Variants in MVB12B observed in about 807,000 individuals in gnomAD.
The protein encoded by MVB12B is multivesicular body subunit 12B.
In MVB12B, 16 loss-of-function variants were observed where a neutral mutation model predicts 41.6. That is an observed-to-expected ratio of 0.38 (90% CI 0.26 to 0.58). The LOEUF is 0.58. Among genes scored for constraint, MVB12B ranks in the 20% least tolerant of loss-of-function variants. MVB12B has a pLI of 0.62. For missense variants in MVB12B, 274 were observed against 380.2 expected (o/e 0.72, Z 2.32); for synonymous variants, 133 against 139.7 (o/e 0.95, Z 0.34).
At chr9:126,368,725 A>G (rs1205964945) in intron 2 of MVB12B, among the ~76,000 whole-genome samples, 1 of 152,168 alleles carries the variant, frequency 6.6e-6, no homozygotes, top group Non-Finnish European at 1.5e-5. Context: ...TTTATTTTTA[A>G]TTAAATAAGG....
chr9:126,329,454 GAA>G (rs1277030934), intron 1 of MVB12B, among the ~76,000 whole-genome samples: 4 of 152,170 alleles, frequency 2.6e-5, no homozygotes, highest in Non-Finnish European at 5.9e-5. Flanking sequence ...TTAAGAAAAA[GAA>G]TACAAGAATA....
At chr9:126,372,175 T>A (rs1394909119) in intron 2 of MVB12B, among the ~76,000 whole-genome samples, 2 of 152,396 alleles carry the variant, frequency 1.3e-5, no homozygotes, top group African/African-American at 4.8e-5. Flanking sequence ...TTTAGCAAAC[T>A]GTTTTCAGGG....
rs888900691 is a variant in MVB12B at position 126,460,583 on chromosome 9, C to T, written c.758-20786C>T. Among the ~76,000 whole-genome samples the T allele has an allele frequency of 3.9e-5, 6 of 152,000 alleles. No homozygotes were observed. In the South Asian group the frequency reaches 6.2e-4, roughly 16 times the overall value. On this transcript the variant is annotated intron_variant, in intron 7 of 9. Transcript: ENST00000361171. ...GAGCCAGGAGCAGCCAAGCAGCCAA[C>T]GGCAGGTCAGAGGGGTGGGCATCGC...
intron 2 of MVB12B, among the ~76,000 whole-genome samples, chr9:126,346,264 A>G (rs1829584095): frequency 1.3e-5 from 2 of 152,164 alleles, no homozygotes; most frequent in Admixed American, 1.3e-4. Flanking sequence ...GCGCCAGGCT[A>G]TTGACAATGG....
intron 2 of MVB12B, among the ~76,000 whole-genome samples, chr9:126,366,952 C>A (rs1360947949): frequency 6.6e-6 from 1 of 152,158 alleles, no homozygotes; most frequent in Non-Finnish European, 1.5e-5. Context: ...GTTTCCTTAC[C>A]ACTCCCAATA....
intron 7 of MVB12B, among the ~76,000 whole-genome samples, chr9:126,451,994 G>GC (rs1422497616): frequency 6.6e-6 from 1 of 152,162 alleles, no homozygotes; most frequent in Non-Finnish European, 1.5e-5. Flanking sequence ...TCATTCCTTA[G>GC]CCCCGCTCAC....
intron 2 of MVB12B, among the ~76,000 whole-genome samples, chr9:126,343,236 C>G (rs996582059): frequency 6.6e-6 from 1 of 152,216 alleles, no homozygotes; most frequent in Admixed American, 6.5e-5. Flanking sequence ...CTGAAAGAGC[C>G]TCGCTTTTCT....
chr9:126,463,208 GT>G (rs1343344250), intron 7 of MVB12B, among the ~76,000 whole-genome samples: 1 of 152,120 alleles, frequency 6.6e-6, no homozygotes, highest in Non-Finnish European at 1.5e-5. Context: ...CTCTGCGTAG[GT>G]TGGTGTGTGT....
chr9:126,386,633 C>A lies in MVB12B; in HGVS notation c.384C>A (p.Ile128=). ...AGGACACACTGCCTGTGGGCTTCAT[C>A]CCAATTCAGGAGACGGTGGACACAC... ...DIKDTLPVGF[I]PIQETVDTQE... is the part of the protein sequence containing the mutation. The change falls in exon 4 of 10, where the codon ATC becomes ATA. Residue 128 remains isoleucine (I), a synonymous_variant. Transcript: ENST00000361171. This position sits in a 1 kb window ranked among gnomAD's most constrained non-coding sequence, Gnocchi z 4.3. 1.9e-6 allele frequency: 3 copies of A among 1,613,754 alleles called. No homozygotes were observed. The highest frequency in any genetic ancestry group is 2.5e-6 in the Non-Finnish European group (3 of 1,179,674).
intron 2 of MVB12B, among the ~76,000 whole-genome samples, chr9:126,366,821 G>A (rs978196712): frequency 9.2e-5 from 14 of 152,060 alleles, no homozygotes; most frequent in Non-Finnish European, 1.6e-4. Context: ...CTGACTCCAC[G>A]CAGCCAGCCT....
intron 7 of MVB12B, among the ~76,000 whole-genome samples, chr9:126,467,891 G>C (rs1162484294): frequency 6.6e-6 from 1 of 152,198 alleles, no homozygotes; most frequent in East Asian, 1.9e-4. Flanking sequence ...CTAGAAAGCA[G>C]AGTCTGGGTA....
rs191085742 is a variant in MVB12B at position 126,386,001 on chromosome 9, C to G, written c.313-561C>G. 1.5e-3 allele frequency among the ~76,000 whole-genome samples: 232 copies of G among 152,278 alleles called. No homozygotes were observed. Among genetic ancestry groups the G allele is most frequent in the Non-Finnish European group, 2.7e-3 (182 of 68,028 alleles). On this transcript the variant is annotated intron_variant, in intron 3 of 9. Transcript: ENST00000361171. This position sits in a 1 kb window ranked among gnomAD's most constrained non-coding sequence, Gnocchi z 4.3. ...AACTTTAGGAGGCCCTTGTGCGTGTCATTTTAGAAGATGTGTAATATTGAG... is the reference window on the plus strand; with the variant it reads ...AACTTTAGGAGGCCCTTGTGCGTGTGATTTTAGAAGATGTGTAATATTGAG...
chr9:126,364,450 A>T (rs569945618), intron 2 of MVB12B, among the ~76,000 whole-genome samples: 26 of 152,294 alleles, frequency 1.7e-4, no homozygotes, highest in African/African-American at 5.8e-4. Flanking sequence ...GGTTGGAGCC[A>T]GAGGAGGCTG....
chr9:126,436,967 T>C lies in MVB12B; in HGVS notation c.757+15019T>C, dbSNP rs1832495508. 6.6e-6 allele frequency among the ~76,000 whole-genome samples: 1 copy of C among 152,254 alleles called. No homozygotes were observed. Among genetic ancestry groups the C allele is most frequent in the African/African-American group, 2.4e-5 (1 of 41,474 alleles). On this transcript the variant is annotated intron_variant, in intron 7 of 9. Transcript: ENST00000361171. The surrounding 1 kb of genome is among the most constrained non-coding windows in gnomAD (Gnocchi z 4.1). ...TTTTTTGCTGAGCAGAGCAGACCTC[T>C]GAAAACACAATTTATAACATGGCTT...
At chr9:126,390,289 C>T (rs1016038274) in intron 4 of MVB12B, among the ~76,000 whole-genome samples, 1 of 152,224 alleles carries the variant, frequency 6.6e-6, no homozygotes, top group Non-Finnish European at 1.5e-5. Context: ...CACAGTGCAT[C>T]CAACCCACAT....
intron 6 of MVB12B, among the ~76,000 whole-genome samples, chr9:126,412,024 GGT>G (rs1831665929): frequency 6.6e-6 from 1 of 152,168 alleles, no homozygotes; most frequent in Non-Finnish European, 1.5e-5. Flanking sequence ...CTGAGCATAT[GGT>G]CTTTAAGAAA....
intron 3 of MVB12B, among the ~76,000 whole-genome samples, chr9:126,382,185 C>G (rs572488791): frequency 6.6e-6 from 1 of 151,816 alleles, no homozygotes; most frequent in Non-Finnish European, 1.5e-5. Flanking sequence ...CTCTCTGCCA[C>G]CTGGCCCCGC....
At chr9:126,407,691 G>A (rs1831486529) in intron 6 of MVB12B, among the ~76,000 whole-genome samples, 1 of 152,154 alleles carries the variant, frequency 6.6e-6, no homozygotes, top group Admixed American at 6.5e-5. Context: ...GGGCGACAGG[G>A]AATGGCTACG....
At chr9:126,418,816 C>T (rs555247989) in intron 6 of MVB12B, among the ~76,000 whole-genome samples, 1 of 152,294 alleles carries the variant, frequency 6.6e-6, no homozygotes, top group East Asian at 1.9e-4. Flanking sequence ...CCTCAATGTA[C>T]CTTCCTCCAG....
Sources: gnomAD v4.1 joint callset for allele counts (sites outside exome capture counted in the v4.1 genomes callset) on GRCh38, gnomAD v4.1.1 for gene constraint, Gnocchi (gnomAD v3.1) non-coding constraint, MANE v1.5 for transcripts, NCBI Gene and HGNC (gene_info 2026-07-23, HGNC 2026-07-21) for gene names.